The following PCDHA2 variants were observed in gnomAD, a reference collection of about 807,000 sequenced individuals.
PCDHA2 encodes the protein protocadherin alpha-2.
PCDHA2 carries 58 observed loss-of-function variants against 66.0 expected under a neutral mutation model. That is an observed-to-expected ratio of 0.88 (90% CI 0.71 to 1.09). PCDHA2 has a LOEUF of 1.09. Among genes scored for constraint, PCDHA2 ranks in the 50% least tolerant of loss-of-function variants. PCDHA2 has a pLI of 0.00. For missense variants in PCDHA2, 1,267 were observed against 1,242.3 expected, an observed-to-expected ratio of 1.02 and a Z score of -0.30; for synonymous variants, 634 against 554.0, an observed-to-expected ratio of 1.14 and a Z score of -2.03.
At chr5:140,938,907 A>T (rs2092260332) in intron 1 of PCDHA2, among the ~76,000 whole-genome samples, 1 of 152,090 alleles carries the variant, frequency 6.6e-6, no homozygotes, top group Non-Finnish European at 1.5e-5. Context: ...GCACACACAC[A>T]CACGCACAAG....
At chr5:140,824,207 A>G in intron 1 of PCDHA2, 5 of 1,587,454 alleles carry the variant, frequency 3.1e-6, no homozygotes, top group Non-Finnish European at 4.3e-6. Context: ...CTTTTTTTGT[A>G]TTTAAAAATT....
chr5:140,967,056 G>A, intron 1 of PCDHA2: 1 of 1,612,712 alleles, frequency 6.2e-7, no homozygotes, highest in Non-Finnish European at 8.5e-7. Context: ...CTGACGAGTG[G>A]AGCGCTCTTC....
chr5:140,928,354 A>C (rs374655565), intron 1 of PCDHA2: 10 of 1,614,032 alleles, frequency 6.2e-6, no homozygotes, highest in African/African-American at 1.3e-5. Flanking sequence ...GTTGGATGTT[A>C]TCTCTGAAGG....
chr5:140,847,401 A>G (rs1780996739), intron 1 of PCDHA2: 1 of 149,750 alleles, frequency 6.7e-6, no homozygotes. Context: ...TAATGGCACA[A>G]TAAACACTCA....
chr5:140,920,204 G>A (rs185996994), intron 1 of PCDHA2, among the ~76,000 whole-genome samples: 3 of 152,222 alleles, frequency 2.0e-5, no homozygotes, highest in Admixed American at 1.3e-4. Context: ...AGCAGCCACA[G>A]AAAACCAATG....
At chr5:140,801,239 G>A (rs782183547) in intron 1 of PCDHA2, 15 of 1,613,134 alleles carry the variant, frequency 9.3e-6, no homozygotes, top group Non-Finnish European at 1.3e-5. Context: ...CCCAGTGCCT[G>A]CTGCTTTCTC....
intron 1 of PCDHA2, among the ~76,000 whole-genome samples, chr5:140,974,729 G>C (rs1007565470): frequency 2.6e-5 from 4 of 152,032 alleles, no homozygotes; most frequent in African/African-American, 9.7e-5. Flanking sequence ...TCGAACTCCT[G>C]TCTCCACCTT....
intron 1 of PCDHA2, chr5:140,869,034 T>C (rs1441426453): frequency 5.2e-6 from 8 of 1,527,468 alleles, no homozygotes. Flanking sequence ...ACGAGATTTT[T>C]AACCTGAAAC....
At chr5:140,826,525 A>G (rs1377538782) in intron 1 of PCDHA2, among the ~76,000 whole-genome samples, 2 of 152,162 alleles carry the variant, frequency 1.3e-5, no homozygotes, top group East Asian at 3.8e-4. Flanking sequence ...GTCATTTGAA[A>G]AGTCTTATTG....
chr5:140,805,011 A>G, intron 1 of PCDHA2: 1 of 1,553,140 alleles, frequency 6.4e-7, no homozygotes, highest in Non-Finnish European at 8.7e-7. Flanking sequence ...TAGTTCTGTT[A>G]TCAGCTTCTT....
intron 1 of PCDHA2, chr5:140,841,363 A>G (rs1777178897): frequency 2.5e-6 from 4 of 1,613,472 alleles, no homozygotes; most frequent in African/African-American, 1.3e-5. Context: ...CCTGGCGACT[A>G]CTACTCTTGC....
intron 1 of PCDHA2, among the ~76,000 whole-genome samples, chr5:140,923,261 A>C (rs570487869): frequency 6.6e-6 from 1 of 152,322 alleles, no homozygotes; most frequent in East Asian, 1.9e-4. Flanking sequence ...CAACATAGTG[A>C]GACCTTGTCT....
At chr5:141,003,676 C>T (rs2098133802) in intron 3 of PCDHA2, among the ~76,000 whole-genome samples, 2 of 152,124 alleles carry the variant, frequency 1.3e-5, no homozygotes, top group East Asian at 1.9e-4. Context: ...ATATGTTGTT[C>T]TGATTTTAAA....
intron 1 of PCDHA2, chr5:140,871,166 C>G: frequency 1.2e-6 from 2 of 1,613,486 alleles, no homozygotes; most frequent in Non-Finnish European, 1.7e-6. Flanking sequence ...GCCGCGAGCC[C>G]AGAGGCTGCG....
Position 141,009,950 on chromosome 5 carries a change from G to C in PCDHA2, c.*13G>C, listed in dbSNP as rs782235440. On this transcript the variant is annotated 3_prime_UTR_variant, in exon 4 of 4. Coordinates refer to ENST00000526136, the MANE Select transcript of PCDHA2 (RefSeq NM_018905.3). ...CAGTGACCAGTGAGGTCCTCAAATGGAAACAAGCCACTTAGCCAGTTTTTG... is the reference window on the plus strand; with the variant it reads ...CAGTGACCAGTGAGGTCCTCAAATGCAAACAAGCCACTTAGCCAGTTTTTG... 12 of 1,593,098 alleles carry C rather than the reference G, an allele frequency of 7.5e-6. No individual in the cohort carries two copies. In the East Asian group the frequency reaches 2.5e-4, roughly 33 times the overall value.
chr5:140,803,382 G>C, intron 1 of PCDHA2: 1 of 1,614,202 alleles, frequency 6.2e-7, no homozygotes. Context: ...GCCGCCAACC[G>C]AAGGCGACTG....
In PCDHA2 at chr5:140,849,850, C is replaced by A. The variant is rs17844329; in HGVS notation, c.2388+52498C>A. ...GAGGTGGCCGACGTGAACGACAACG[C>A]ACCAGCGTTCGCGCAGTCCGAGTAC... On this transcript the variant is annotated intron_variant, in intron 1 of 3. Transcript: ENST00000526136. The A allele has an allele frequency of 2.5e-4, 392 of 1,598,618 alleles. 6 individuals carry two copies. The East Asian group carries it at 8.6e-3, about 35-fold the overall frequency.
chr5:140,850,365 G>T (rs2150481125), intron 1 of PCDHA2: 4 of 1,597,962 alleles, frequency 2.5e-6, no homozygotes, highest in Middle Eastern at 1.7e-4. Flanking sequence ...CCCGTTCCGC[G>T]TGGGGCTGTA....
At chr5:140,991,682 C>G (rs1234700322) in intron 3 of PCDHA2, among the ~76,000 whole-genome samples, 2 of 152,170 alleles carry the variant, frequency 1.3e-5, no homozygotes, top group Non-Finnish European at 2.9e-5. Context: ...TCTGAGTCCT[C>G]TCTAGTAGAG....
Sources: gnomAD v4.1 joint callset for allele counts (sites outside exome capture counted in the v4.1 genomes callset) on GRCh38, gnomAD v4.1.1 for gene constraint, MANE v1.5 for transcripts, NCBI Gene and HGNC (gene_info 2026-07-23, HGNC 2026-07-21) for gene names.